ACSF3: variants seen among roughly 807,000 people sequenced by gnomAD.
The protein encoded by ACSF3 is acyl-CoA synthetase family member 3.
Under a neutral mutation model 53.2 loss-of-function variants are expected in ACSF3, and 78 were observed. The ratio of observed to expected loss-of-function variants is 1.47; its 90% CI spans 1.22 to 1.77. The LOEUF is 1.77. Among genes scored for constraint, ACSF3 ranks in the 40% most tolerant of loss-of-function variants. The pLI, the probability that ACSF3 is intolerant of heterozygous loss-of-function variation, is 0.00. For missense variants in ACSF3, 937 were observed against 771.1 expected (o/e 1.22, Z -2.55); for synonymous variants, 414 against 333.1 (o/e 1.24, Z -2.65).
chr16:89,102,640 G>T lies in ACSF3; in HGVS notation c.703G>T (p.Asp235Tyr). The T allele has an allele frequency of 6.2e-7, 1 of 1,613,886 alleles. No homozygotes were observed. Residue 235 changes from aspartate (D) to tyrosine (Y), a missense_variant, in exon 4 of 11, where the codon GAC becomes TAC. Transcript: ENST00000614302. ...GLVHKWAWTK[D>Y]DVILHVLPLH... ...GGTCCACAAGTGGGCATGGACCAAA[G>T]ACGACGTGATCCTCCACGTGCTCCC... is the stretch of plus-strand genomic sequence containing the variant.
intron 10 of ACSF3, chr16:89,153,513 G>A (rs1022180476): frequency 2.5e-5 from 4 of 156,914 alleles, no homozygotes; most frequent in African/African-American, 9.7e-5. Flanking sequence ...GGGGGACCCT[G>A]AGTGGAGGTT....
intron 8 of ACSF3, among the ~76,000 whole-genome samples, chr16:89,137,758 C>T (rs1346324289): frequency 1.3e-5 from 2 of 152,114 alleles, no homozygotes; most frequent in South Asian, 2.1e-4. Flanking sequence ...AAATTCTGCT[C>T]GGAGCGAGAA....
At chr16:89,094,561 G>A (rs1185750967) in intron 1 of ACSF3, among the ~76,000 whole-genome samples, 1 of 152,170 alleles carries the variant, frequency 6.6e-6, no homozygotes, top group East Asian at 1.9e-4. Context: ...GTGAGGCCCG[G>A]TGCAGTCAGG....
At chr16:89,137,530 A>G (rs1474615496) in intron 8 of ACSF3, among the ~76,000 whole-genome samples, 10 of 126,288 alleles carry the variant, frequency 7.9e-5, no homozygotes, top group African/African-American at 2.5e-4. Context: ...CCAGGAGCTC[A>G]CGGGGAAAGA....
At chr16:89,117,262 A>G (rs193070464) in intron 6 of ACSF3, among the ~76,000 whole-genome samples, 4 of 152,284 alleles carry the variant, frequency 2.6e-5, no homozygotes, top group African/African-American at 9.6e-5. Context: ...TTCTCGAAAC[A>G]GCCCCTGCGA....
At chr16:89,135,769 T>G (rs902492718) in intron 8 of ACSF3, among the ~76,000 whole-genome samples, 1 of 152,220 alleles carries the variant, frequency 6.6e-6, no homozygotes, top group African/African-American at 2.4e-5. Flanking sequence ...TGCAGTTGTT[T>G]TATTTATTTA....
At chr16:89,137,779 C>T (rs1466794153) in intron 8 of ACSF3, among the ~76,000 whole-genome samples, 1 of 152,144 alleles carries the variant, frequency 6.6e-6, no homozygotes, top group Non-Finnish European at 1.5e-5. Flanking sequence ...GGGAGCTGGG[C>T]CCAGGTGGCC....
At chr16:89,136,803 C>T (rs1402918350) in intron 8 of ACSF3, 4 of 1,287,086 alleles carry the variant, frequency 3.1e-6, no homozygotes, top group Non-Finnish European at 4.0e-6. Flanking sequence ...CGCTGCTGCT[C>T]AAGGAGATGG....
chr16:89,140,475 C>T (rs964063760), intron 8 of ACSF3, among the ~76,000 whole-genome samples: 6 of 152,172 alleles, frequency 3.9e-5, no homozygotes, highest in Non-Finnish European at 8.8e-5. Context: ...GGGCTTCCCT[C>T]GGCACTTTCC....
chr16:89,141,136 C>G (rs561826626), intron 8 of ACSF3: 1 of 1,287,124 alleles, frequency 7.8e-7, no homozygotes, highest in African/African-American at 1.5e-5. Context: ...CCTCCTCCCG[C>G]GGGGTGTCCG....
chr16:89,113,845 C>A, intron 5 of ACSF3: 2 of 280,170 alleles, frequency 7.1e-6, no homozygotes, highest in Middle Eastern at 1.3e-3. Context: ...CGGCCCCACC[C>A]CTTGGGTGCC....
chr16:89,100,906 C>A lies in ACSF3; in HGVS notation c.225C>A (p.Ser75Arg), dbSNP rs763197756. The A allele has an allele frequency of 1.2e-6, 2 of 1,613,886 alleles. No homozygotes were observed. Among genetic ancestry groups the A allele is most frequent in the South Asian group, 2.2e-5 (2 of 91,090 alleles). Residue 75 changes from serine to arginine, a missense_variant, in exon 3 of 11, where the codon AGC becomes AGA. Physicochemically the swap from Ser to Arg is moderately radical, Grantham distance 110. Coordinates refer to ENST00000614302, the MANE Select transcript of ACSF3 (RefSeq NM_001243279.3). ...RHTYRELYSR[S>R]LRLSQEICRL... Reference sequence around the variant, plus strand: ...CGTACAGGGAGCTTTATTCCCGCAGCCTTCGCCTGTCCCAGGAGATCTGCA... The same window carrying A: ...CGTACAGGGAGCTTTATTCCCGCAGACTTCGCCTGTCCCAGGAGATCTGCA...
intron 7 of ACSF3, among the ~76,000 whole-genome samples, chr16:89,131,268 A>G (rs920696276): frequency 2.6e-5 from 4 of 151,072 alleles, no homozygotes; most frequent in East Asian, 1.9e-4. Context: ...TGGGACTACA[A>G]GCACTGACCA....
intron 8 of ACSF3, among the ~76,000 whole-genome samples, chr16:89,142,302 A>C (rs1286949342): frequency 6.6e-6 from 1 of 152,158 alleles, no homozygotes; most frequent in African/African-American, 2.4e-5. Flanking sequence ...AGAGGCAGCC[A>C]GGCCCAGGCA....
intron 2 of ACSF3, among the ~76,000 whole-genome samples, chr16:89,100,328 T>C (rs547396232): frequency 6.6e-6 from 1 of 152,400 alleles, no homozygotes; most frequent in East Asian, 1.9e-4. Context: ...CTCAGGATTC[T>C]AAAACCCATT....
intron 8 of ACSF3, among the ~76,000 whole-genome samples, chr16:89,133,975 C>T (rs1909882121): frequency 6.6e-6 from 1 of 152,188 alleles, no homozygotes; most frequent in African/African-American, 2.4e-5. Context: ...GCTGCCTGAC[C>T]CCCCTCCTTT....
chr16:89,099,449 C>G (rs1376782148), intron 2 of ACSF3, among the ~76,000 whole-genome samples: 1 of 152,182 alleles, frequency 6.6e-6, no homozygotes, highest in Admixed American at 6.5e-5. Context: ...ATAGTTCAAC[C>G]TAAAACACGT....
chr16:89,155,114 T>C lies in ACSF3; in HGVS notation c.*907T>C, dbSNP rs527334181. 6 of 454,142 alleles carry C rather than the reference T, an allele frequency of 1.3e-5. No homozygotes were observed. The highest frequency in any genetic ancestry group is 7.8e-5 in the South Asian group (5 of 64,484). The allele number at this position is 454,142 out of a possible 1,614,324, so 28.1% of individuals were successfully genotyped here. ...GTTGTGAATGTTGGGTGCACCCACG[T>C]TGCATTTACTTAGCGGGGCCAATTC... On this transcript the variant is annotated 3_prime_UTR_variant, in exon 11 of 11. Coordinates refer to ENST00000614302, the MANE Select transcript of ACSF3 (RefSeq NM_001243279.3).
At chr16:89,151,294 C>A in intron 10 of ACSF3, 1 of 429,618 alleles carries the variant, frequency 2.3e-6, no homozygotes, top group Non-Finnish European at 4.7e-6. Flanking sequence ...CAAAAGGCTT[C>A]ACTGATAAAT....
Sources: gnomAD v4.1 joint callset for allele counts (sites outside exome capture counted in the v4.1 genomes callset) on GRCh38, gnomAD v4.1.1 for gene constraint, MANE v1.5 for transcripts, NCBI Gene and HGNC (gene_info 2026-07-23, HGNC 2026-07-21) for gene names.